Variants in SOX5 observed in about 807,000 individuals in gnomAD.
SOX5 encodes the protein transcription factor SOX-5.
A neutral mutation model predicts 92.0 loss-of-function variants in SOX5; 9 were observed. The observed-to-expected ratio is 0.10, with a 90% CI of 0.06 to 0.17. SOX5 has a LOEUF of 0.17. SOX5 is among the 10% of genes least tolerant of loss of function. SOX5 has a pLI of 1.00. For missense variants in SOX5, 642 were observed against 944.5 expected (o/e 0.68, Z 4.20); for synonymous variants, 344 against 336.3 (o/e 1.02, Z -0.25).
intron 1 of SOX5, among the ~76,000 whole-genome samples, chr12:23,903,884 C>G (rs2138075262): frequency 6.6e-6 from 1 of 152,190 alleles, no homozygotes; most frequent in Non-Finnish European, 1.5e-5. Flanking sequence ...TATGGCAATT[C>G]AAAACATACA....
At chr12:24,480,104 C>T (rs533702445) in intron 1 of SOX5, among the ~76,000 whole-genome samples, 1 of 152,148 alleles carries the variant, frequency 6.6e-6, no homozygotes, top group Non-Finnish European at 1.5e-5. Context: ...AGAAACAAAT[C>T]CACACACCTA....
rs150565135 is a variant in SOX5, at chr12:24,191,189, G to A, written c.-2+22154C>T. 7.8e-3 allele frequency among the ~76,000 whole-genome samples: 1,186 copies of A among 152,284 alleles called. 6 individuals carry two copies. Among genetic ancestry groups the A allele is most frequent in the Non-Finnish European group, 0.014 (966 of 68,020 alleles). Reference sequence around the variant, plus strand: ...TTAGAGTAAGAAAGTCAAAGAAGACGACAGTGATTTGAGCTGCTTCATTGT... The same window carrying A: ...TTAGAGTAAGAAAGTCAAAGAAGACAACAGTGATTTGAGCTGCTTCATTGT... On this transcript the variant is annotated intron_variant, in intron 4 of 4. Coordinates refer to the SOX5 transcript ENST00000446891.
chr12:23,764,437 A>C (rs2094649254), intron 3 of SOX5, among the ~76,000 whole-genome samples: 1 of 152,154 alleles, frequency 6.6e-6, no homozygotes, highest in African/African-American at 2.4e-5. Flanking sequence ...AGTTAAATTC[A>C]CAAGGCAAAT....
rs11047359 is a variant in SOX5, at chr12:24,304,282, G to A, written c.-173-26970C>T. ...TTCTAAGAAATGGAAAACTGTCTTG[G>A]TTTTAGAATATCGGATATGTTGGGT... On this transcript the variant is annotated intron_variant, in intron 2 of 4. Transcript: ENST00000446891. Among the ~76,000 whole-genome samples the A allele has an allele frequency of 0.038, 5,726 of 152,208 alleles. 587 individuals carry two copies. The East Asian group carries it at 0.44, about 12-fold the overall frequency.
chr12:23,538,799 CTT>C (rs67268404), intron 13 of SOX5, among the ~76,000 whole-genome samples: 5,126 of 108,128 alleles, frequency 0.047, 251 homozygotes, highest in African/African-American at 0.14. Context: ...CCAGCATTTT[CTT>C]TTTTTTTTTT....
At chr12:23,900,267 G>C (rs901526524) in intron 1 of SOX5, among the ~76,000 whole-genome samples, 1 of 152,160 alleles carries the variant, frequency 6.6e-6, no homozygotes, top group Admixed American at 6.5e-5. Context: ...TTTTACAGGA[G>C]TCTCCTTCCC....
chr12:24,122,791 T>A (rs1436501162), intron 4 of SOX5, among the ~76,000 whole-genome samples: 3 of 152,196 alleles, frequency 2.0e-5, no homozygotes, highest in Non-Finnish European at 4.4e-5. Flanking sequence ...CAAAAGTTTT[T>A]TAAAAGCAAT....
At position 23,533,061 on chromosome 12, in the gene SOX5, TAATC is replaced by T. The variant is rs1051352546; in HGVS notation, c.*1154_*1157del. The T allele has an allele frequency of 2.5e-6, 1 of 406,718 alleles. No individual in the cohort carries two copies. Among genetic ancestry groups the T allele is most frequent in the Non-Finnish European group, 5.0e-6 (1 of 198,820 alleles). The allele number at this position is 406,718 out of a possible 1,614,324, so 25.2% of individuals were successfully genotyped here. The stretch of plus-strand genomic sequence containing the variant: ...CAGGGCCACCTGATCCATCCAATAA[TAATC>T]AGACATTTAAAAATATAATTTCTGA... On this transcript the variant is annotated 3_prime_UTR_variant, in exon 15 of 15. Coordinates refer to ENST00000451604, the MANE Select transcript of SOX5 (RefSeq NM_006940.6).
intron 7 of SOX5, among the ~76,000 whole-genome samples, chr12:23,650,588 T>C (rs555502791): frequency 3.3e-5 from 5 of 152,224 alleles, no homozygotes; most frequent in African/African-American, 1.2e-4. Context: ...TGTCATGGGC[T>C]GATAGAGAAA....
intron 9 of SOX5, among the ~76,000 whole-genome samples, chr12:23,581,916 A>T (rs1950098183): frequency 1.3e-5 from 2 of 151,980 alleles, no homozygotes; most frequent in South Asian, 4.1e-4. Flanking sequence ...ATATGTATAA[A>T]TAAAATTTCA....
chr12:24,412,996 C>T (rs1335306015), intron 1 of SOX5, among the ~76,000 whole-genome samples: 1 of 152,062 alleles, frequency 6.6e-6, no homozygotes, highest in Non-Finnish European at 1.5e-5. Context: ...ACCTCGTGAT[C>T]CACCCACCTC....
At chr12:24,054,445 C>T (rs1445149580) in intron 4 of SOX5, among the ~76,000 whole-genome samples, 1 of 152,188 alleles carries the variant, frequency 6.6e-6, no homozygotes, top group Non-Finnish European at 1.5e-5. Flanking sequence ...GGGCACTACA[C>T]ATGGGCATGG....
At chr12:23,742,951 TA>T (rs11291376) in intron 4 of SOX5, among the ~76,000 whole-genome samples, 94,647 of 148,994 alleles carry the variant, frequency 0.64, 29,903 homozygotes, top group African/African-American at 0.66. Flanking sequence ...ATACACTGCC[TA>T]AAAAAAAAAA....
At chr12:23,806,693 C>T (rs1053216239) in intron 3 of SOX5, among the ~76,000 whole-genome samples, 23 of 148,792 alleles carry the variant, frequency 1.5e-4, no homozygotes, top group African/African-American at 4.9e-4. Context: ...AAGTTGCAGT[C>T]GTTTTTGGCT....
At chr12:24,415,423 T>A (rs1204994888) in intron 1 of SOX5, among the ~76,000 whole-genome samples, 3 of 150,634 alleles carry the variant, frequency 2.0e-5, no homozygotes, top group Admixed American at 6.6e-5. Flanking sequence ...TATTTTAATG[T>A]TTTTTTTATA....
At chr12:24,473,669 T>C (rs1490273367) in intron 1 of SOX5, among the ~76,000 whole-genome samples, 1 of 152,188 alleles carries the variant, frequency 6.6e-6, no homozygotes, top group Non-Finnish European at 1.5e-5. Flanking sequence ...ATAACACTCA[T>C]TGTAAGAATC....
At chr12:23,896,071 C>T (rs754157590) in intron 1 of SOX5, 47 bp from the exon 2 acceptor site, 7 of 1,305,376 alleles carry the variant, frequency 5.4e-6, no homozygotes, top group Admixed American at 1.7e-5. Context: ...CCACATAAAT[C>T]CTTAATGCCG....
chr12:24,281,275 A>G (rs949298968), intron 2 of SOX5, among the ~76,000 whole-genome samples: 4 of 149,460 alleles, frequency 2.7e-5, no homozygotes, highest in Admixed American at 2.0e-4. Flanking sequence ...TCTTTATTCC[A>G]TTTGCCAACC....
intron 4 of SOX5, among the ~76,000 whole-genome samples, chr12:24,039,600 G>A (rs1956337899): frequency 6.6e-6 from 1 of 152,126 alleles, no homozygotes; most frequent in Non-Finnish European, 1.5e-5. Flanking sequence ...GGTAGTTAAA[G>A]TTCAAATGGT....
Sources: allele counts gnomAD v4.1 joint callset (sites outside exome capture counted in the v4.1 genomes callset), GRCh38; gene constraint gnomAD v4.1.1; transcripts MANE v1.5; gene names NCBI Gene and HGNC (gene_info 2026-07-23, HGNC 2026-07-21).